The following RAB38 variants were observed in gnomAD, a reference collection of about 807,000 sequenced individuals.
RAB38 encodes the protein ras-related protein Rab-38.
Under a neutral mutation model 18.4 loss-of-function variants are expected in RAB38, and 15 were observed. The observed-to-expected ratio is 0.82, with a 90% CI of 0.55 to 1.26. The LOEUF (loss-of-function observed/expected upper bound fraction) is 1.26, where lower values mean the gene tolerates loss of function less well. Ranked by LOEUF, RAB38 falls within the 50% of genes most tolerant of loss-of-function variation. RAB38 has a pLI of 0.00. For missense variants in RAB38, 294 were observed against 267.4 expected (o/e 1.10, Z -0.69); for synonymous variants, 101 against 104.4 (o/e 0.97, Z 0.20).
chr11:87,808,434 G>A, the RAB38 span, among the ~76,000 whole-genome samples: 16 of 152,182 alleles, frequency 1.1e-4, no homozygotes, highest in African/African-American at 3.4e-4. Context: ...AGGATATTAT[G>A]TTAGGCTTAG....
the RAB38 span, among the ~76,000 whole-genome samples, chr11:88,015,070 A>AT: frequency 6.6e-6 from 1 of 150,860 alleles, no homozygotes; most frequent in Non-Finnish European, 1.5e-5. Context: ...TTTTTTACAA[A>AT]TTTTTTCAGT....
At chr11:88,065,375 A>G in the RAB38 span, among the ~76,000 whole-genome samples, 1 of 152,192 alleles carries the variant, frequency 6.6e-6, no homozygotes, top group Non-Finnish European at 1.5e-5. Context: ...AGTCGCTTCC[A>G]TTTGCAATGC....
the RAB38 span, among the ~76,000 whole-genome samples, chr11:87,881,209 G>C: frequency 6.6e-6 from 1 of 151,826 alleles, no homozygotes; most frequent in African/African-American, 2.4e-5. Context: ...AGATACTAAA[G>C]AGAATGGAAT....
At chr11:87,831,274 G>A in the RAB38 span, among the ~76,000 whole-genome samples, 15 of 152,002 alleles carry the variant, frequency 9.9e-5, no homozygotes, top group East Asian at 1.9e-4. Context: ...TGCACACACC[G>A]TACCCCAAAA....
chr11:87,824,995 T>A, the RAB38 span, among the ~76,000 whole-genome samples: 3,136 of 149,622 alleles, frequency 0.021, 44 homozygotes, highest in Non-Finnish European at 0.031. Context: ...AGAGAGAGAG[T>A]GAGTGTGTGT....
rs148759535 is a variant in RAB38, at chr11:88,157,860, G to A, written c.203-7905C>T. Among the ~76,000 whole-genome samples, 127 of 152,016 alleles carry A rather than the reference G, an allele frequency of 8.4e-4. 2 individuals carry two copies. Among genetic ancestry groups the A allele is most frequent in the South Asian group, 7.3e-3 (35 of 4,808 alleles). On this transcript the variant is annotated intron_variant, in intron 1 of 2. Coordinates refer to ENST00000243662, the MANE Select transcript of RAB38 (RefSeq NM_022337.3). ...ACAGGAAAGTTTATGGTGTTAAATG[G>A]CTAATTTAAAAAAGTTAGAAAGATC...
the RAB38 span, chr11:87,917,826 G>C: frequency 6.6e-6 from 1 of 152,036 alleles, no homozygotes; most frequent in Non-Finnish European, 1.5e-5. Context: ...CTGATGCATT[G>C]ATTGTTCCTC....
chr11:88,174,637 A>C (rs12791327), intron 1 of RAB38, among the ~76,000 whole-genome samples: 19,840 of 133,628 alleles, frequency 0.15, 1,567 homozygotes, highest in Middle Eastern at 0.21. Flanking sequence ...AAAAAAAAAA[A>C]AAAACAAAAC....
At chr11:87,928,543 G>A in the RAB38 span, among the ~76,000 whole-genome samples, 2 of 151,774 alleles carry the variant, frequency 1.3e-5, no homozygotes, top group Non-Finnish European at 2.9e-5. Flanking sequence ...ACAAACTGCC[G>A]AGGTTTTTTT....
the RAB38 span, among the ~76,000 whole-genome samples, chr11:88,096,617 G>A: frequency 0.18 from 27,608 of 151,610 alleles, 3,055 homozygotes; most frequent in Non-Finnish European, 0.24. Flanking sequence ...GTTGATAAAT[G>A]AGTTATATTT....
rs942958097 is a variant in RAB38, at chr11:88,150,769, C to G, written c.203-814G>C. ...CTGAGCTGTTTGAATCTAGGGCTCACAGTCTTTTACCAACATTAAATACTC... is the reference window on the plus strand; with the variant it reads ...CTGAGCTGTTTGAATCTAGGGCTCAGAGTCTTTTACCAACATTAAATACTC... On this transcript the variant is annotated intron_variant, in intron 1 of 2. Coordinates refer to ENST00000243662, the MANE Select transcript of RAB38 (RefSeq NM_022337.3). Among the ~76,000 whole-genome samples, 4 of 152,180 alleles carry G rather than the reference C, an allele frequency of 2.6e-5. No homozygotes were observed. In the South Asian group the frequency reaches 8.3e-4, roughly 31 times the overall value.
chr11:87,867,128 C>T, the RAB38 span, among the ~76,000 whole-genome samples: 4,972 of 151,820 alleles, frequency 0.033, 221 homozygotes, highest in Admixed American at 0.13. Context: ...GCTGGTTGTC[C>T]AGATGAACAG....
the RAB38 span, among the ~76,000 whole-genome samples, chr11:88,011,456 T>G: frequency 6.6e-6 from 1 of 152,204 alleles, no homozygotes; most frequent in African/African-American, 2.4e-5. Context: ...CTGACCTGCA[T>G]AGAGTAACAT....
At chr11:88,091,636 C>T in the RAB38 span, among the ~76,000 whole-genome samples, 12 of 151,982 alleles carry the variant, frequency 7.9e-5, no homozygotes, top group Non-Finnish European at 1.2e-4. Flanking sequence ...TTTGCTGTCT[C>T]ACTACCACAT....
the RAB38 span, among the ~76,000 whole-genome samples, chr11:87,945,114 A>G: frequency 6.6e-6 from 1 of 152,138 alleles, no homozygotes; most frequent in Non-Finnish European, 1.5e-5. Flanking sequence ...GTATGAATGG[A>G]TATAAAACTA....
chr11:88,081,897 C>T, the RAB38 span, among the ~76,000 whole-genome samples: 2 of 151,770 alleles, frequency 1.3e-5, no homozygotes, highest in Admixed American at 6.6e-5. Flanking sequence ...AAAAAAGTTG[C>T]AGTATACCTT....
the RAB38 span, among the ~76,000 whole-genome samples, chr11:88,072,538 A>G: frequency 6.6e-6 from 1 of 152,208 alleles, no homozygotes; most frequent in African/African-American, 2.4e-5. Flanking sequence ...TTAGTGGCTG[A>G]GAATTTCCAA....
chr11:87,919,633 C>T, the RAB38 span, among the ~76,000 whole-genome samples: 2 of 151,690 alleles, frequency 1.3e-5, no homozygotes, highest in Non-Finnish European at 2.9e-5. Flanking sequence ...AGTTGGGAAG[C>T]GTTCTTTCCT....
At chr11:88,009,254 C>A in the RAB38 span, among the ~76,000 whole-genome samples, 2 of 152,036 alleles carry the variant, frequency 1.3e-5, no homozygotes, top group African/African-American at 4.8e-5. Flanking sequence ...ACCTCACCTC[C>A]TAAAAAATCA....
Sources: gnomAD v4.1 joint callset for allele counts (sites outside exome capture counted in the v4.1 genomes callset) on GRCh38, gnomAD v4.1.1 for gene constraint, MANE v1.5 for transcripts, NCBI Gene and HGNC (gene_info 2026-07-23, HGNC 2026-07-21) for gene names.